The following OTOP1 variants were observed in gnomAD, a reference collection of about 807,000 sequenced individuals.
OTOP1 encodes the protein proton channel OTOP1.
A neutral mutation model predicts 52.9 loss-of-function variants in OTOP1; 59 were observed. The observed-to-expected ratio is 1.12, with a 90% confidence interval of 0.91 to 1.39. The LOEUF (loss-of-function observed/expected upper bound fraction) is 1.39. OTOP1 is among the 40% of genes most tolerant of loss of function. The pLI is 0.00. For synonymous variants in OTOP1, 317 were observed against 337.7 expected, an observed-to-expected ratio of 0.94 and a Z score of 0.67; for missense variants, 761 against 800.9, an observed-to-expected ratio of 0.95 and a Z score of 0.60.
At chr4:4,193,964 G>A (rs1218883619) in intron 5 of OTOP1, among the ~76,000 whole-genome samples, 1 of 152,184 alleles carries the variant, frequency 6.6e-6, no homozygotes, top group African/African-American at 2.4e-5. Context: ...TAGGCAGGCA[G>A]CTCACCTGAG....
At chr4:4,198,739 C>T (rs537831089) in intron 4 of OTOP1, among the ~76,000 whole-genome samples, 24 of 152,180 alleles carry the variant, frequency 1.6e-4, no homozygotes, top group Admixed American at 1.1e-3. Flanking sequence ...AAGCTGGCTG[C>T]GGTATGGAGG....
At chr4:4,195,561 C>T (rs563651529) in intron 5 of OTOP1, among the ~76,000 whole-genome samples, 26 of 152,304 alleles carry the variant, frequency 1.7e-4, no homozygotes, top group African/African-American at 3.1e-4. Context: ...CATGACCATG[C>T]GGCAACAAGC....
At chr4:4,216,979 G>T (rs1258004569) in intron 1 of OTOP1, among the ~76,000 whole-genome samples, 2 of 152,162 alleles carry the variant, frequency 1.3e-5, no homozygotes, top group African/African-American at 4.8e-5. Context: ...TGTGGACGGG[G>T]CCCCAAAATT....
rs1717406621 is a variant in OTOP1 at position 4,225,418 on chromosome 4, A to C, written c.403+1044T>G. Among the ~76,000 whole-genome samples the C allele has an allele frequency of 2.0e-5, 3 of 151,964 alleles. No individual in the cohort carries two copies. In the South Asian group the frequency reaches 6.2e-4, roughly 32 times the overall value. Reference sequence around the variant, plus strand: ...CCCTATCTGTACAAAATATAACAAAACTTAGCTGGGCAAGGCCATGTGTGT... The same window carrying C: ...CCCTATCTGTACAAAATATAACAAACCTTAGCTGGGCAAGGCCATGTGTGT... On this transcript the variant is annotated intron_variant, in intron 1 of 5. Transcript: ENST00000296358.
chr4:4,220,094 TATATA>T lies in OTOP1; in HGVS notation c.403+6363_403+6367del, dbSNP rs1250041851. Reference sequence around the variant, plus strand: ...ATATATGTATACATATATATATATATATATATATATATTTTTTTTTTTTTTGAGAT... The same window carrying T: ...ATATATGTATACATATATATATATATTATATATTTTTTTTTTTTTTGAGAT... On this transcript the variant is annotated intron_variant, in intron 1 of 5. Coordinates refer to ENST00000296358, the MANE Select transcript of OTOP1 (RefSeq NM_177998.3). 7.1e-4 allele frequency among the ~76,000 whole-genome samples: 74 copies of T among 103,762 alleles called. 1 individual carries two copies. Among genetic ancestry groups the T allele is most frequent in the African/African-American group, 3.0e-3 (70 of 23,038 alleles). 68.1% of individuals were successfully genotyped at this position (103,762 alleles called of 152,430 possible). A position where few individuals can be genotyped will look rare whatever the true frequency, so the allele number is the denominator to read the frequency against.
intron 5 of OTOP1, among the ~76,000 whole-genome samples, chr4:4,191,964 G>A (rs1286820441): frequency 1.3e-5 from 2 of 152,168 alleles, no homozygotes; most frequent in Non-Finnish European, 2.9e-5. Context: ...GCAGGAAAAT[G>A]GGACCTCTTT....
intron 2 of OTOP1, among the ~76,000 whole-genome samples, chr4:4,206,464 C>G (rs1716909272): frequency 6.6e-6 from 1 of 152,200 alleles, no homozygotes; most frequent in African/African-American, 2.4e-5. Context: ...AATCCTATAA[C>G]TGGTTTATAT....
At chr4:4,196,059 G>A (rs1716615714) in intron 5 of OTOP1, among the ~76,000 whole-genome samples, 1 of 152,116 alleles carries the variant, frequency 6.6e-6, no homozygotes. Flanking sequence ...ATTACAAGCT[G>A]CCTCCATTCC....
At chr4:4,199,717 T>C (rs1560206479) in intron 4 of OTOP1, among the ~76,000 whole-genome samples, 1 of 152,206 alleles carries the variant, frequency 6.6e-6, no homozygotes, top group East Asian at 1.9e-4. Context: ...CCGGCCAGGA[T>C]GTGTTTTAAT....
rs563956853 is a variant in OTOP1, at chr4:4,213,136, G to A, written c.404-132C>T. On this transcript the variant is annotated intron_variant, in intron 1 of 5. Coordinates refer to ENST00000296358, the MANE Select transcript of OTOP1 (RefSeq NM_177998.3). ...TCAAATGATTTTTCACAAGGGTGCC[G>A]AGACCATTCAATGGGAAAAGGGCAG... 344 of 1,177,474 alleles carry A rather than the reference G, an allele frequency of 2.9e-4. 2 individuals are homozygous for A. Among genetic ancestry groups the A allele is most frequent in the Middle Eastern group, 2.2e-3 (8 of 3,702 alleles). The allele number at this position is 1,177,474 out of a possible 1,614,324, so 72.9% of individuals were successfully genotyped here.
chr4:4,189,619 A>C (rs1445394989), intron 5 of OTOP1, among the ~76,000 whole-genome samples: 3 of 152,074 alleles, frequency 2.0e-5, no homozygotes, highest in Admixed American at 2.0e-4. Flanking sequence ...CTCACTTCCA[A>C]CTCACAAAAT....
intron 5 of OTOP1, among the ~76,000 whole-genome samples, chr4:4,192,317 C>T (rs1238005582): frequency 2.6e-5 from 4 of 152,144 alleles, no homozygotes; most frequent in African/African-American, 7.2e-5. Context: ...CCCAAGGCAC[C>T]AGACCACGGA....
intron 2 of OTOP1, among the ~76,000 whole-genome samples, chr4:4,208,018 G>C (rs1448237517): frequency 1.3e-5 from 2 of 152,174 alleles, no homozygotes; most frequent in Non-Finnish European, 2.9e-5. Flanking sequence ...AGTTGCTTAT[G>C]CATCCGTCTA....
At position 4,221,535 on chromosome 4, in the gene OTOP1, C is replaced by T. The variant is rs527425668; in HGVS notation, c.403+4927G>A. 8.6e-4 allele frequency among the ~76,000 whole-genome samples: 131 copies of T among 152,240 alleles called. 2 individuals are homozygous for T. The Middle Eastern group carries it at 0.027, about 32-fold the overall frequency. ...TGGGCTCCTCCCAGGCCCCTGGTTG[C>T]AGCCCTGCTCAAGGATGCTGTACTG... is the stretch of plus-strand genomic sequence containing the variant. On this transcript the variant is annotated intron_variant, in intron 1 of 5. Coordinates refer to ENST00000296358, the MANE Select transcript of OTOP1 (RefSeq NM_177998.3).
At chr4:4,218,053 A>G (rs563787108) in intron 1 of OTOP1, among the ~76,000 whole-genome samples, 33 of 152,340 alleles carry the variant, frequency 2.2e-4, no homozygotes, top group African/African-American at 6.7e-4. Context: ...CTTGTCATAC[A>G]GAATAGACAT....
intron 5 of OTOP1, among the ~76,000 whole-genome samples, chr4:4,193,292 A>G (rs113606888): frequency 6.6e-6 from 1 of 151,874 alleles, no homozygotes; most frequent in East Asian, 1.9e-4. Context: ...CATCTACACC[A>G]TTCCTTAGAA....
At position 4,198,038 on chromosome 4, in the gene OTOP1, C is replaced by A. The variant is rs369815171; in HGVS notation, c.796G>T (p.Gly266Trp). The A allele has an allele frequency of 6.2e-7, 1 of 1,613,998 alleles. No individual in the cohort carries two copies. Among genetic ancestry groups the A allele is most frequent in the South Asian group, 1.1e-5 (1 of 91,056 alleles). ...PPTLCTAISHGIYYLYPFNIE... is the reference protein window; with the variant it reads ...PPTLCTAISHWIYYLYPFNIE... ...TTGAAGGGGTAGAGGTAGTAGATCC[C>A]GTGGGAGATGGCAGTGCACAGAGTT... is the stretch of plus-strand genomic sequence containing the variant. Residue 266 changes from glycine (G) to tryptophan (W), a missense_variant, in exon 5 of 6, where the codon GGG (glycine) becomes TGG (tryptophan). Transcript: ENST00000296358.
intron 2 of OTOP1, among the ~76,000 whole-genome samples, chr4:4,210,557 G>A (rs374806514): frequency 1.2e-4 from 18 of 152,280 alleles, no homozygotes; most frequent in African/African-American, 3.9e-4. Flanking sequence ...AGGGCCAGAC[G>A]CGGTGCCTCA....
chr4:4,201,714 T>G (rs1264903968), intron 4 of OTOP1, among the ~76,000 whole-genome samples: 1 of 152,128 alleles, frequency 6.6e-6, no homozygotes, highest in African/African-American at 2.4e-5. Flanking sequence ...TCTTTGCAAG[T>G]GCATGATTTG....
Sources: allele counts gnomAD v4.1 joint callset (sites outside exome capture counted in the v4.1 genomes callset), GRCh38; gene constraint gnomAD v4.1.1; transcripts MANE v1.5; gene names NCBI Gene and HGNC (gene_info 2026-07-23, HGNC 2026-07-21).